ADAM23: variants seen among roughly 807,000 people sequenced by gnomAD.
ADAM23 encodes the protein disintegrin and metalloproteinase domain-containing protein 23.
ADAM23 carries 33 observed loss-of-function variants against 120.1 expected under a neutral mutation model. The observed-to-expected ratio is 0.27, with a 90% confidence interval of 0.21 to 0.37. The LOEUF is 0.37. Ranked by LOEUF, ADAM23 falls within the 10% of genes least tolerant of loss-of-function variation. The probability of loss-of-function intolerance (pLI) is 1.00; values close to 1 mark genes in which losing one functional copy is unlikely to be tolerated. For missense variants in ADAM23, 862 were observed against 1,058.2 expected, an observed-to-expected ratio of 0.81 and a Z score of 2.57; for synonymous variants, 367 against 375.2, an observed-to-expected ratio of 0.98 and a Z score of 0.25.
intron 6 of ADAM23, among the ~76,000 whole-genome samples, chr2:206,545,051 G>A (rs1303710164): frequency 2.0e-5 from 3 of 152,114 alleles, no homozygotes; most frequent in Admixed American, 2.0e-4. Context: ...GGAGATTAAG[G>A]CACTGAGAGG....
At chr2:206,584,142 C>T (rs1388846935) in intron 18 of ADAM23, among the ~76,000 whole-genome samples, 2 of 152,162 alleles carry the variant, frequency 1.3e-5, no homozygotes, top group African/African-American at 4.8e-5. Flanking sequence ...TGTGTCTAGC[C>T]ATCCAGTGAG....
chr2:206,562,178 A>G (rs1697781562), intron 12 of ADAM23, 25 bp from the exon 13 acceptor site: 1 of 1,597,418 alleles, frequency 6.3e-7, no homozygotes, highest in Admixed American at 1.7e-5. Context: ...AATGTCTCCC[A>G]CACACTTTCA....
intron 2 of ADAM23, 113 bp downstream of exon 2, chr2:206,445,637 G>A: frequency 2.3e-6 from 2 of 875,850 alleles, no homozygotes; most frequent in Non-Finnish European, 3.5e-6. Flanking sequence ...TATTAAGAAA[G>A]CAATTAATAT....
chr2:206,594,620 T>C, intron 22 of ADAM23, 117 bp from the exon 23 acceptor site: 2 of 1,148,296 alleles, frequency 1.7e-6, no homozygotes, highest in South Asian at 1.6e-5. Context: ...AAGAAAATGC[T>C]AGGAGAAATC....
intron 3 of ADAM23, among the ~76,000 whole-genome samples, chr2:206,507,710 ATGTCCACTGT>A (rs1435642658): frequency 6.6e-6 from 1 of 152,178 alleles, no homozygotes; most frequent in Non-Finnish European, 1.5e-5. Context: ...TTTTGTCTGA[ATGTCCACTGT>A]TGTGTATTTT....
Position 206,619,618 on chromosome 2 carries a change from C to A in ADAM23, c.*1991C>A, listed in dbSNP as rs1211560436. 1 of 151,838 alleles carries A rather than the reference C, an allele frequency of 6.6e-6. No individual in the cohort carries two copies. Among genetic ancestry groups the A allele is most frequent in the Non-Finnish European group, 1.5e-5 (1 of 68,010 alleles). 9.4% of individuals were successfully genotyped at this position (151,838 alleles called of 1,614,324 possible). On this transcript the variant is annotated 3_prime_UTR_variant, in exon 26 of 26. Coordinates refer to ENST00000264377, the MANE Select transcript of ADAM23 (RefSeq NM_003812.4). ...CTCCTGGTCCCTTTTCAGCAAGATT[C>A]ATGTTATCCGTCTTACAACTTTGAT...
rs193113041 is a variant in ADAM23, at chr2:206,473,936, T to G, written c.433-7296T>G. On this transcript the variant is annotated intron_variant, in intron 2 of 25. Coordinates refer to ENST00000264377, the MANE Select transcript of ADAM23 (RefSeq NM_003812.4). ...GCTGAGGTGGGAGGATTGCTTCAGCTAGGAGGTCAAGGCTGCAGTGAGTTG... is the reference window on the plus strand; with the variant it reads ...GCTGAGGTGGGAGGATTGCTTCAGCGAGGAGGTCAAGGCTGCAGTGAGTTG... Among the ~76,000 whole-genome samples the G allele has an allele frequency of 7.5e-5, 11 of 147,030 alleles. No individual in the cohort carries two copies. In the East Asian group the frequency reaches 2.2e-3, roughly 30 times the overall value.
chr2:206,583,693 C>T (rs1042043086), intron 18 of ADAM23, among the ~76,000 whole-genome samples: 1 of 152,020 alleles, frequency 6.6e-6, no homozygotes, highest in Non-Finnish European at 1.5e-5. Context: ...AAAAATGTGT[C>T]CAAAGTTTCC....
intron 6 of ADAM23, among the ~76,000 whole-genome samples, chr2:206,546,036 G>T (rs532696330): frequency 6.6e-5 from 10 of 152,252 alleles, no homozygotes; most frequent in Non-Finnish European, 1.3e-4. Context: ...CTGTCATAAG[G>T]ATTTATAAAT....
rs118180815 is a variant in ADAM23, at chr2:206,552,948, G to A, written c.933+2788G>A. Among the ~76,000 whole-genome samples the A allele has an allele frequency of 1.8e-3, 278 of 152,148 alleles. 5 individuals carry two copies. In the East Asian group the frequency reaches 0.038, roughly 21 times the overall value. ...CTCCGAAAGTGCTGGAATTGCTGGC[G>A]TGAACCACCATGCCTGGCCTATTAT... On this transcript the variant is annotated intron_variant, in intron 9 of 25. Transcript: ENST00000264377.
intron 3 of ADAM23, among the ~76,000 whole-genome samples, chr2:206,518,734 G>A (rs950176479): frequency 5.9e-5 from 9 of 151,966 alleles, no homozygotes; most frequent in South Asian, 2.1e-4. Flanking sequence ...TGGTAATTGG[G>A]GTACAGTCTT....
chr2:206,589,235 G>A (rs750254919), intron 20 of ADAM23, among the ~76,000 whole-genome samples, 174 bp from the exon 21 acceptor site: 3 of 152,214 alleles, frequency 2.0e-5, no homozygotes, highest in Non-Finnish European at 2.9e-5. Context: ...ATCACATTGA[G>A]TGTGAAATCA....
intron 3 of ADAM23, among the ~76,000 whole-genome samples, chr2:206,515,189 G>A (rs1696704548): frequency 1.3e-5 from 2 of 152,142 alleles, no homozygotes; most frequent in Admixed American, 6.6e-5. Context: ...GAATATGGGA[G>A]TCAGAAAAGG....
chr2:206,580,580 G>A (rs1698202792), intron 18 of ADAM23, among the ~76,000 whole-genome samples: 2 of 152,080 alleles, frequency 1.3e-5, no homozygotes, highest in African/African-American at 4.8e-5. Flanking sequence ...CTTGATCATG[G>A]TGGATTATCT....
rs944301395 is a variant in ADAM23 at position 206,588,278 on chromosome 2, A to T, written c.1852+124A>T. The T allele has an allele frequency of 3.0e-6, 3 of 1,016,606 alleles. No homozygotes were observed. In the African/African-American group the frequency reaches 4.9e-5, roughly 17 times the overall value. The allele number at this position is 1,016,606 out of a possible 1,614,324, so 63.0% of individuals were successfully genotyped here. The stretch of plus-strand genomic sequence containing the variant: ...GATGTTTTAAAAAAATCTAGAAAGG[A>T]TGAGAATAAAGAGAACTGTGAATCT... On this transcript the variant is annotated intron_variant, in intron 20 of 25. Transcript: ENST00000264377.
chr2:206,560,057 C>A lies in ADAM23; in HGVS notation c.1108C>A (p.His370Asn). 1 of 1,614,134 alleles carries A rather than the reference C, an allele frequency of 6.2e-7. No individual in the cohort carries two copies. Among genetic ancestry groups the A allele is most frequent in the South Asian group, 1.1e-5 (1 of 91,086 alleles). ...DITTNPVQMLHEFSKYRQRIK... is the reference protein window; with the variant it reads ...DITTNPVQMLNEFSKYRQRIK... ...CACCACCAACCCTGTGCAGATGCTC[C>A]ATGAGTTCTCAAAATACCGGCAGCG... The change falls in exon 11 of 26, where the codon CAT becomes AAT. Residue 370 changes from histidine (H) to asparagine (N), a missense_variant. Around this residue, in one of 4 missense-constraint regions of ADAM23, gnomAD observed 617 missense variants for 813.5 expected, o/e 0.76. Transcript: ENST00000264377.
intron 3 of ADAM23, among the ~76,000 whole-genome samples, chr2:206,510,221 T>C (rs1369125361): frequency 6.6e-6 from 1 of 152,206 alleles, no homozygotes; most frequent in African/African-American, 2.4e-5. Context: ...TGGGGCTTAA[T>C]AAATATTAAA....
intron 4 of ADAM23, among the ~76,000 whole-genome samples, chr2:206,540,247 AC>A (rs1697263644): frequency 6.6e-6 from 1 of 151,396 alleles, no homozygotes; most frequent in Non-Finnish European, 1.5e-5. Flanking sequence ...ACACACACAC[AC>A]ACACACACAC....
chr2:206,609,813 AG>A (rs1203862811), intron 24 of ADAM23, 96 bp from the exon 25 acceptor site: 2 of 932,540 alleles, frequency 2.1e-6, no homozygotes, highest in African/African-American at 3.5e-5. Flanking sequence ...TCTTTTACAC[AG>A]GATATTTACT....
Sources: allele counts gnomAD v4.1 joint callset (sites outside exome capture counted in the v4.1 genomes callset), GRCh38; gene constraint gnomAD v4.1.1; regional missense constraint gnomAD v4.1.1; transcripts MANE v1.5; gene names NCBI Gene and HGNC (gene_info 2026-07-23, HGNC 2026-07-21).